The following RAB38 variants were observed in gnomAD, a reference collection of about 807,000 sequenced individuals.
RAB38 encodes the protein RAB38, member RAS oncogene family.
In RAB38, 15 loss-of-function variants were observed where a neutral mutation model predicts 18.4. The observed-to-expected ratio is 0.82, with a 90% confidence interval of 0.55 to 1.26. The LOEUF is 1.26. Ranked by LOEUF, RAB38 falls within the 50% of genes most tolerant of loss-of-function variation. RAB38 has a pLI of 0.00. For synonymous variants in RAB38, 101 were observed against 104.4 expected, an observed-to-expected ratio of 0.97 and a Z score of 0.20; for missense variants, 294 against 267.4, an observed-to-expected ratio of 1.10 and a Z score of -0.69.
chr11:87,912,909 T>A, the RAB38 span, among the ~76,000 whole-genome samples: 2 of 151,788 alleles, frequency 1.3e-5, no homozygotes, highest in African/African-American at 2.4e-5. Context: ...AGTTCTGGGA[T>A]ACATGTAGGC....
chr11:88,089,307 T>C, the RAB38 span, among the ~76,000 whole-genome samples: 9 of 151,868 alleles, frequency 5.9e-5, no homozygotes, highest in East Asian at 1.8e-3. Flanking sequence ...TTGGCTTTGT[T>C]TTTCACGTCT....
the RAB38 span, among the ~76,000 whole-genome samples, chr11:87,846,678 A>T: frequency 6.6e-6 from 1 of 152,116 alleles, no homozygotes; most frequent in African/African-American, 2.4e-5. Flanking sequence ...AGATCTCAAT[A>T]ATTATAATGA....
chr11:87,942,636 A>G, the RAB38 span, among the ~76,000 whole-genome samples: 2 of 152,136 alleles, frequency 1.3e-5, no homozygotes, highest in African/African-American at 2.4e-5. Flanking sequence ...GAAATTCTCA[A>G]TTGTATTATC....
At chr11:87,947,869 CA>C in the RAB38 span, among the ~76,000 whole-genome samples, 1 of 152,240 alleles carries the variant, frequency 6.6e-6, no homozygotes, top group East Asian at 1.9e-4. Context: ...ATTGACTTGG[CA>C]ATGCAGTCTC....
intron 1 of RAB38, chr11:88,173,723 A>T: frequency 1.0e-6 from 1 of 985,424 alleles, no homozygotes; most frequent in Non-Finnish European, 1.2e-6. Flanking sequence ...GAATTTTTTT[A>T]GATGAAAAGC....
chr11:88,145,311 G>A (rs762859994), intron 2 of RAB38, among the ~76,000 whole-genome samples: 1 of 151,978 alleles, frequency 6.6e-6, no homozygotes, highest in Non-Finnish European at 1.5e-5. Flanking sequence ...CTGCCAGCCT[G>A]CTAATGTTTG....
At chr11:87,934,512 T>C in the RAB38 span, among the ~76,000 whole-genome samples, 2 of 152,228 alleles carry the variant, frequency 1.3e-5, no homozygotes, top group South Asian at 4.1e-4. Flanking sequence ...GTTGAATTTA[T>C]TATTTGGGAA....
At chr11:87,861,257 G>A in the RAB38 span, among the ~76,000 whole-genome samples, 1 of 151,882 alleles carries the variant, frequency 6.6e-6, no homozygotes, top group African/African-American at 2.4e-5. Flanking sequence ...ATCTCAGTTG[G>A]TTCAGGTTAC....
At chr11:88,025,916 T>A in the RAB38 span, among the ~76,000 whole-genome samples, 2 of 152,128 alleles carry the variant, frequency 1.3e-5, no homozygotes. Context: ...CAGGTGATTT[T>A]GAGGACTTAC....
the RAB38 span, among the ~76,000 whole-genome samples, chr11:87,812,025 A>G: frequency 6.6e-6 from 1 of 152,224 alleles, no homozygotes; most frequent in African/African-American, 2.4e-5. Context: ...TCTGGCTCCA[A>G]AAAGCTTTGC....
chr11:87,901,610 G>A, the RAB38 span, among the ~76,000 whole-genome samples: 1 of 151,568 alleles, frequency 6.6e-6, no homozygotes, highest in Non-Finnish European at 1.5e-5. Context: ...ATGCTGCCTT[G>A]CAATGAGGTT....
At chr11:87,826,490 T>C in the RAB38 span, among the ~76,000 whole-genome samples, 1 of 152,048 alleles carries the variant, frequency 6.6e-6, no homozygotes, top group African/African-American at 2.4e-5. Context: ...TTTTAAAAAA[T>C]AAAAATGCAA....
the RAB38 span, among the ~76,000 whole-genome samples, chr11:87,807,647 G>GGTGGGACATGAATATCATAATGGTAGGTC: frequency 6.6e-6 from 1 of 152,124 alleles, no homozygotes; most frequent in Non-Finnish European, 1.5e-5. Context: ...AATGGTAGGT[G>GGTGGGACATGAATATCATAATGGTAGGTC]GTAGGACATA....
the RAB38 span, among the ~76,000 whole-genome samples, chr11:88,022,187 G>A: frequency 4.6e-5 from 7 of 151,902 alleles, no homozygotes; most frequent in South Asian, 2.1e-4. Context: ...AGGATGGCTC[G>A]ACATGCAAAT....
chr11:87,871,441 G>A, the RAB38 span, among the ~76,000 whole-genome samples: 3 of 151,596 alleles, frequency 2.0e-5, no homozygotes, highest in Non-Finnish European at 4.4e-5. Flanking sequence ...AGTTTGTGGT[G>A]TACACACAAA....
intron 2 of RAB38, among the ~76,000 whole-genome samples, chr11:88,133,654 C>T (rs1942793815): frequency 6.6e-6 from 1 of 151,938 alleles, no homozygotes; most frequent in African/African-American, 2.4e-5. Flanking sequence ...ATTTTTAGAC[C>T]CACCAACTAG....
chr11:87,965,600 G>A, the RAB38 span, among the ~76,000 whole-genome samples: 1 of 152,094 alleles, frequency 6.6e-6, no homozygotes, highest in Non-Finnish European at 1.5e-5. Context: ...GTGAAAGAAA[G>A]TTTTTACCAA....
the RAB38 span, among the ~76,000 whole-genome samples, chr11:87,832,408 T>C: frequency 1.3e-5 from 2 of 152,192 alleles, no homozygotes; most frequent in East Asian, 3.8e-4. Flanking sequence ...TCTGTGCTCC[T>C]GGTTTCACAA....
the RAB38 span, among the ~76,000 whole-genome samples, chr11:87,950,721 T>C: frequency 6.6e-6 from 1 of 152,188 alleles, no homozygotes; most frequent in Non-Finnish European, 1.5e-5. Flanking sequence ...GCCCCCACTC[T>C]CTTCTGGCTT....
Sources: allele counts gnomAD v4.1 joint callset (sites outside exome capture counted in the v4.1 genomes callset), GRCh38; gene constraint gnomAD v4.1.1; transcripts MANE v1.5; gene names NCBI Gene and HGNC (gene_info 2026-07-23, HGNC 2026-07-21).